Variants in TTC21A observed in about 807,000 individuals in gnomAD.
The protein encoded by TTC21A is tetratricopeptide repeat protein 21A.
A neutral mutation model predicts 156.4 loss-of-function variants in TTC21A; 128 were observed. The observed-to-expected ratio is 0.82, with a 90% CI of 0.71 to 0.95. TTC21A has a LOEUF of 0.95. TTC21A is among the 40% of genes least tolerant of loss of function. The pLI is 0.00. For missense variants in TTC21A, 1,435 were observed against 1,602.3 expected (o/e 0.90, Z 1.78); for synonymous variants, 587 against 617.1 (o/e 0.95, Z 0.72).
At position 39,134,423 on chromosome 3, in the gene TTC21A, C is replaced by T; in HGVS notation, c.2862+95C>T. 1.1e-6 allele frequency: 1 copy of T among 873,682 alleles called. No individual in the cohort carries two copies. Among genetic ancestry groups the T allele is most frequent in the Non-Finnish European group, 2.0e-6 (1 of 507,462 alleles). The allele number at this position is 873,682 out of a possible 1,614,324, so 54.1% of individuals were successfully genotyped here. A position where few individuals can be genotyped will look rare whatever the true frequency, so the allele number is the denominator to read the frequency against. On this transcript the variant is annotated intron_variant, in intron 21 of 28. Coordinates refer to ENST00000683103, the MANE Select transcript of TTC21A (RefSeq NM_001366900.1). This position sits in a 1 kb window ranked among gnomAD's most constrained non-coding sequence, Gnocchi z 4.6. ...AGGCTACTTCCTAGCCCCGTAACCT[C>T]AGATGCCTCACTGACACACCTCTGA...
rs1204901182 is a variant in TTC21A at position 39,130,851 on chromosome 3, T to A, written c.2458+12T>A. On this transcript the variant is annotated intron_variant, in intron 18 of 28. Coordinates refer to ENST00000683103, the MANE Select transcript of TTC21A (RefSeq NM_001366900.1). The surrounding 1 kb of genome is among the most constrained non-coding windows in gnomAD (Gnocchi z 4.5). ...GGAACATGACATTGGTGAGGCAGCA[T>A]TGTAACCCATTTCTAGCATTTGGAG... 1 of 1,614,086 alleles carries A rather than the reference T, an allele frequency of 6.2e-7. No individual in the cohort carries two copies. The highest frequency in any genetic ancestry group is 1.1e-5 in the South Asian group (1 of 91,074).
In TTC21A at chr3:39,136,471, A is replaced by T. The variant is rs1448851395; in HGVS notation, c.3059A>T (p.Glu1020Val). 3 of 1,614,138 alleles carry T rather than the reference A, an allele frequency of 1.9e-6. No individual in the cohort carries two copies. In the African/African-American group the frequency reaches 4.0e-5, roughly 22 times the overall value. ...AKKVSSRVPL[E>V]PGFNYCRGIY... ...AAGGTGTCTAGCCGGGTGCCTTTGG[A>T]ACCAGGGTTCAATTACTGCAGAGGT... The change falls in exon 23 of 29, where the codon GAA becomes GTA. Residue 1020 changes from glutamate (E) to valine (V), a missense_variant. By Grantham distance (121) the Glu-to-Val change is moderately radical. Transcript: ENST00000683103.
Position 39,107,824 on chromosome 3 carries a change from G to A in TTC21A, c.-14G>A. 6.2e-7 allele frequency: 1 copy of A among 1,612,606 alleles called. No individual in the cohort carries two copies. The highest frequency in any genetic ancestry group is 8.5e-7 in the Non-Finnish European group (1 of 1,179,962). On this transcript the variant is annotated 5_prime_UTR_variant, in exon 1 of 29. Coordinates refer to ENST00000683103, the MANE Select transcript of TTC21A (RefSeq NM_001366900.1). Reference sequence around the variant, plus strand: ...CCCCACCAGACCCGGACTCGGAGCCGCGAGCGGCCCGAGATGAGCAGCAAT... The same window carrying A: ...CCCCACCAGACCCGGACTCGGAGCCACGAGCGGCCCGAGATGAGCAGCAAT...
chr3:39,124,517 G>T (rs1280027737), intron 9 of TTC21A, among the ~76,000 whole-genome samples: 1 of 151,856 alleles, frequency 6.6e-6, no homozygotes, highest in Non-Finnish European at 1.5e-5. Context: ...AAAATTAGCC[G>T]GGCGTGGTGG....
At position 39,133,191 on chromosome 3, in the gene TTC21A, C is replaced by A. The variant is rs772777747; in HGVS notation, c.2702C>A (p.Ala901Glu). 4 of 1,614,100 alleles carry A rather than the reference C, an allele frequency of 2.5e-6. No individual in the cohort carries two copies. In the Admixed American group the frequency reaches 5.0e-5, roughly 20 times the overall value. Residue 901 changes from alanine to glutamate, a missense_variant, in exon 20 of 29, where the codon GCG (alanine) becomes GAG (glutamate). Coordinates refer to ENST00000683103, the MANE Select transcript of TTC21A (RefSeq NM_001366900.1). ...HYLAEKEYDK[A>E]VQSYKDVFSY... ...CTGGCAGAGAAAGAGTATGACAAGG[C>A]GGTACAGTCTTATAAGGATGTCTTC...
Position 39,128,903 on chromosome 3 carries a change from G to A in TTC21A, c.1867G>A (p.Val623Met), listed in dbSNP as rs2038489979. The A allele has an allele frequency of 3.1e-6, 5 of 1,614,224 alleles. No individual in the cohort carries two copies. The highest frequency in any genetic ancestry group is 4.2e-6 in the Non-Finnish European group (5 of 1,180,040). Residue 623 changes from valine (V) to methionine (M), a missense_variant, in exon 14 of 29, where the codon GTG becomes ATG. Transcript: ENST00000683103. The part of the protein sequence containing the change: ...SQRASILLEL[V>M]EALRLNGELH... The stretch of plus-strand genomic sequence containing the variant: ...GCGGGCATCCATCTTATTGGAACTG[G>A]TGGAGGCCCTCCGGCTGAATGGGGA...
chr3:39,110,634 G>A (rs6599009), intron 3 of TTC21A, among the ~76,000 whole-genome samples: 1 of 152,056 alleles, frequency 6.6e-6, no homozygotes, highest in South Asian at 2.1e-4. Flanking sequence ...GACAGCACAC[G>A]TGAGTCCACA....
intron 12 of TTC21A, among the ~76,000 whole-genome samples, chr3:39,127,577 G>A (rs2038373266): frequency 6.6e-6 from 1 of 152,184 alleles, no homozygotes; most frequent in African/African-American, 2.4e-5. Flanking sequence ...AGAAACAGGT[G>A]CTCCCTACCC....
At chr3:39,137,832 A>T in intron 26 of TTC21A, 122 bp downstream of exon 26, 1 of 1,071,780 alleles carries the variant, frequency 9.3e-7, no homozygotes, top group Non-Finnish European at 1.4e-6. Flanking sequence ...GGGAAGAGGC[A>T]GGCTGAGAGG....
In TTC21A at chr3:39,120,911, C is replaced by A. The variant is rs189604406; in HGVS notation, c.901-86C>A. The A allele has an allele frequency of 2.8e-3, 3,513 of 1,263,450 alleles. 47 individuals are homozygous for A. The Admixed American group carries it at 0.03, about 11-fold the overall frequency. The allele number at this position is 1,263,450 out of a possible 1,614,324, so 78.3% of individuals were successfully genotyped here. A position where few individuals can be genotyped will look rare whatever the true frequency, so the allele number is the denominator to read the frequency against. ...TCCTGGGCCTACCAGCCCTGCCTAC[C>A]AAAGTGTCCCCCGTTTCTGACATGA... On this transcript the variant is annotated intron_variant, in intron 8 of 28. Coordinates refer to ENST00000683103, the MANE Select transcript of TTC21A (RefSeq NM_001366900.1).
Position 39,110,899 on chromosome 3 carries a change from A to G in TTC21A, c.317A>G (p.Lys106Arg), listed in dbSNP as rs373875160. The G allele has an allele frequency of 1.6e-5, 26 of 1,613,936 alleles. No homozygotes were observed. Among genetic ancestry groups the G allele is most frequent in the Non-Finnish European group, 2.0e-5 (24 of 1,180,022 alleles). The change falls in exon 4 of 29, where the codon AAG (lysine) becomes AGG (arginine). Residue 106 changes from lysine to arginine, a missense_variant. Coordinates refer to ENST00000683103, the MANE Select transcript of TTC21A (RefSeq NM_001366900.1). ...ELEYSLKEIR[K>R]TVSGTALYYA... Reference sequence around the variant, plus strand: ...GAGTACAGCCTGAAGGAAATACGCAAGACAGTCAGTGGGACTGCACTGTAC... The same window carrying G: ...GAGTACAGCCTGAAGGAAATACGCAGGACAGTCAGTGGGACTGCACTGTAC...
intron 15 of TTC21A, among the ~76,000 whole-genome samples, chr3:39,129,718 T>C (rs1268378807): frequency 6.6e-6 from 1 of 152,160 alleles, no homozygotes; most frequent in Non-Finnish European, 1.5e-5. Flanking sequence ...GTGGGGATGC[T>C]GAGGGAGTAG....
At chr3:39,109,717 G>A (rs2036640326) in intron 2 of TTC21A, among the ~76,000 whole-genome samples, 1 of 152,258 alleles carries the variant, frequency 6.6e-6, no homozygotes. Context: ...CTCTTGAGCA[G>A]TAGCTGAGAA....
At chr3:39,129,355 A>G (rs763528444) in intron 15 of TTC21A, 45 bp downstream of exon 15, 1 of 1,415,792 alleles carries the variant, frequency 7.1e-7, no homozygotes, top group Non-Finnish European at 1.0e-6. Flanking sequence ...CTCCAATGGT[A>G]TCTTAGGGAG....
Position 39,128,713 on chromosome 3 carries a change from C to G in TTC21A, c.1681-4C>G. 6.2e-7 allele frequency: 1 copy of G among 1,613,918 alleles called. No homozygotes were observed. The highest frequency in any genetic ancestry group is 8.5e-7 in the Non-Finnish European group (1 of 1,179,892). On this transcript the variant is annotated splice_region_variant and splice_polypyrimidine_tract_variant and intron_variant, in intron 13 of 28. Transcript: ENST00000683103. ...AGCCCCACACTCTGCTGTGCTCCTCCTAGGTCCGAGATCACCCCCTCTACC... is the reference window on the plus strand; with the variant it reads ...AGCCCCACACTCTGCTGTGCTCCTCGTAGGTCCGAGATCACCCCCTCTACC...
intron 9 of TTC21A, 27 bp from the exon 10 acceptor site, chr3:39,125,036 C>G: frequency 6.9e-7 from 1 of 1,457,778 alleles, no homozygotes; most frequent in Admixed American, 1.7e-5. Context: ...GTGTTAGCTG[C>G]TCATCATTGT....
intron 7 of TTC21A, 83 bp downstream of exon 7, chr3:39,118,236 G>GC (rs1223220025): frequency 1.5e-6 from 2 of 1,368,328 alleles, no homozygotes; most frequent in Non-Finnish European, 2.1e-6. Flanking sequence ...CTGACCCAAA[G>GC]CCCTTGTAGG....
intron 22 of TTC21A, among the ~76,000 whole-genome samples, chr3:39,135,739 A>G (rs1018126096): frequency 6.6e-6 from 1 of 152,140 alleles, no homozygotes; most frequent in Non-Finnish European, 1.5e-5. Flanking sequence ...CAGTGTCCTC[A>G]TCTGTAAAAC....
intron 6 of TTC21A, 41 bp from the exon 7 acceptor site, chr3:39,118,028 A>G (rs757649564): frequency 2.7e-6 from 4 of 1,466,818 alleles, no homozygotes; most frequent in South Asian, 2.3e-5. Context: ...AGCTTTGCCT[A>G]TCAATACTCT....
Sources: allele counts gnomAD v4.1 joint callset (sites outside exome capture counted in the v4.1 genomes callset), GRCh38; gene constraint gnomAD v4.1.1; non-coding constraint Gnocchi (gnomAD v3.1); transcripts MANE v1.5; gene names NCBI Gene and HGNC (gene_info 2026-07-23, HGNC 2026-07-21).